The following TENT4A variants were observed in gnomAD, a reference collection of about 807,000 sequenced individuals.
The protein encoded by TENT4A is terminal nucleotidyltransferase 4A, also known as DNA polymerase kappa.
In TENT4A, 7 loss-of-function variants were observed where a neutral mutation model predicts 72.8. The ratio of observed to expected loss-of-function variants is 0.10; its 90% CI spans 0.05 to 0.18. The LOEUF (loss-of-function observed/expected upper bound fraction) is 0.18. Among genes scored for constraint, TENT4A ranks in the 10% least tolerant of loss-of-function variants. The pLI, the probability that TENT4A is intolerant of heterozygous loss-of-function variation, is 1.00. For synonymous variants in TENT4A, 456 were observed against 434.3 expected, an observed-to-expected ratio of 1.05 and a Z score of -0.62; for missense variants, 831 against 1,017.7, an observed-to-expected ratio of 0.82 and a Z score of 2.50.
chr5:6,755,102 G>A lies in TENT4A; in HGVS notation c.*157G>A, dbSNP rs768809578. ...GCATGTTTCTTCGTGTGGTGGTCGCGTCCATCTTCAAGAACAGCTCGTTGT... is the reference window on the plus strand; with the variant it reads ...GCATGTTTCTTCGTGTGGTGGTCGCATCCATCTTCAAGAACAGCTCGTTGT... On this transcript the variant is annotated 3_prime_UTR_variant, in exon 13 of 13. Coordinates refer to ENST00000230859, the MANE Select transcript of TENT4A (RefSeq NM_006999.6). 7.1e-6 allele frequency: 4 copies of A among 561,924 alleles called. No individual in the cohort carries two copies. The highest frequency in any genetic ancestry group is 3.8e-5 in the African/African-American group (2 of 53,050). The allele number at this position is 561,924 out of a possible 1,614,324, so 34.8% of individuals were successfully genotyped here.
At chr5:6,746,554 T>C (rs1350347992) in intron 7 of TENT4A, 127 bp downstream of exon 7, 7 of 712,286 alleles carry the variant, frequency 9.8e-6, no homozygotes, top group East Asian at 8.1e-5. Flanking sequence ...GTTTCTCTTA[T>C]ACTAACCAGT....
At chr5:6,725,832 A>G (rs1025014581) in intron 1 of TENT4A, among the ~76,000 whole-genome samples, 2 of 152,204 alleles carry the variant, frequency 1.3e-5, no homozygotes, top group Non-Finnish European at 2.9e-5. Context: ...TAAAAGTCTT[A>G]TCTTTACATA....
Position 6,738,742 on chromosome 5 carries a change from CT to C in TENT4A, c.887+14del. 1 of 1,598,624 alleles carries C rather than the reference CT, an allele frequency of 6.3e-7. No individual in the cohort carries two copies. Among genetic ancestry groups the C allele is most frequent in the East Asian group, 2.2e-5 (1 of 44,826 alleles). ...ATCTTCCAACTAGGTGAGTACCAGACTGCATGGCATGGGCTAGTGGGGGGCT... is the reference window on the plus strand; with the variant it reads ...ATCTTCCAACTAGGTGAGTACCAGACGCATGGCATGGGCTAGTGGGGGGCT... On this transcript the variant is annotated intron_variant, in intron 3 of 12. Transcript: ENST00000230859.
Position 6,754,841 on chromosome 5 carries a change from C to A in TENT4A, c.2275C>A (p.Pro759Thr), listed in dbSNP as rs1742604162. 4 of 1,609,370 alleles carry A rather than the reference C, an allele frequency of 2.5e-6. No homozygotes were observed. Among genetic ancestry groups the A allele is most frequent in the Middle Eastern group, 1.6e-4 (1 of 6,074 alleles). The change falls in exon 13 of 13, where the codon CCC becomes ACC. Residue 759 changes from proline (P) to threonine (T), a missense_variant. Coordinates refer to ENST00000230859, the MANE Select transcript of TENT4A (RefSeq NM_006999.6). The stretch of plus-strand genomic sequence containing the variant: ...CTCTGTGGGTAGCGGAGGTGTGCGG[C>A]CCCCTGTGGGCAACAGGGGACACCA... ...YSSVGSGGVR[P>T]PVGNRGHHQY...
intron 1 of TENT4A, among the ~76,000 whole-genome samples, chr5:6,734,051 A>G (rs563968968): frequency 4.6e-5 from 7 of 152,360 alleles, no homozygotes; most frequent in Admixed American, 3.9e-4. Flanking sequence ...CAAGGTCAGC[A>G]AAATATCTTA....
intron 6 of TENT4A, among the ~76,000 whole-genome samples, chr5:6,745,567 G>A (rs1742041811): frequency 6.6e-6 from 1 of 152,182 alleles, no homozygotes; most frequent in African/African-American, 2.4e-5. Context: ...GGGCAATGCA[G>A]GTCTGGACAG....
chr5:6,754,951 C>T lies in TENT4A; in HGVS notation c.*6C>T, dbSNP rs1299116562. On this transcript the variant is annotated 3_prime_UTR_variant, in exon 13 of 13. Coordinates refer to ENST00000230859, the MANE Select transcript of TENT4A (RefSeq NM_006999.6). ...CCGTGAGCCTCAGCAGATAATGGCT[C>T]CTGGCTGCGTCAGCCTCCCCCACCC... 2.1e-5 allele frequency: 33 copies of T among 1,568,694 alleles called. No individual in the cohort carries two copies. Among genetic ancestry groups the T allele is most frequent in the Non-Finnish European group, 2.5e-5 (29 of 1,148,170 alleles).
At chr5:6,730,383 T>TA (rs750729306) in intron 1 of TENT4A, among the ~76,000 whole-genome samples, 2 of 152,242 alleles carry the variant, frequency 1.3e-5, no homozygotes, top group Non-Finnish European at 2.9e-5. Context: ...GCAGAGCCCT[T>TA]ATGCCTTGGC....
chr5:6,731,144 G>A (rs371440268), intron 1 of TENT4A, among the ~76,000 whole-genome samples: 2 of 152,182 alleles, frequency 1.3e-5, no homozygotes, highest in South Asian at 2.1e-4. Flanking sequence ...GTTTTTTTGG[G>A]CAAAAATGCA....
intron 8 of TENT4A, among the ~76,000 whole-genome samples, 187 bp downstream of exon 8, chr5:6,748,777 T>A (rs961424195): frequency 1.3e-5 from 2 of 152,164 alleles, no homozygotes; most frequent in Non-Finnish European, 2.9e-5. Flanking sequence ...TCATCCATGG[T>A]TGAGAGTTGA....
At chr5:6,715,170 C>T (rs1011879399) in intron 1 of TENT4A, 18 of 152,224 alleles carry the variant, frequency 1.2e-4, no homozygotes, top group African/African-American at 4.1e-4. Context: ...TAACTGTCAA[C>T]TTAGAGGTGA....
chr5:6,713,982 G>T lies in TENT4A; in HGVS notation c.-2G>T. The T allele has an allele frequency of 1.0e-6, 1 of 978,258 alleles. No homozygotes were observed. Among genetic ancestry groups the T allele is most frequent in the South Asian group, 4.6e-5 (1 of 21,942 alleles). The allele number at this position is 978,258 out of a possible 1,614,324, so 60.6% of individuals were successfully genotyped here. The stretch of plus-strand genomic sequence containing the variant: ...CGCGGGCCCCGCGGGGGCGGCGCGT[G>T]GATGGATCCGCGCGTGGCCTGGATC... On this transcript the variant is annotated 5_prime_UTR_variant, in exon 1 of 13. Coordinates refer to ENST00000230859, the MANE Select transcript of TENT4A (RefSeq NM_006999.6).
intron 4 of TENT4A, 55 bp downstream of exon 4, chr5:6,739,907 G>A: frequency 6.3e-7 from 1 of 1,581,282 alleles, no homozygotes. Context: ...CACATCCCAG[G>A]TGGTCACAGG....
At chr5:6,730,996 G>C (rs1303150743) in intron 1 of TENT4A, among the ~76,000 whole-genome samples, 1 of 152,178 alleles carries the variant, frequency 6.6e-6, no homozygotes, top group East Asian at 1.9e-4. Context: ...CCTAGTTAAA[G>C]TTAAATATTA....
intron 1 of TENT4A, among the ~76,000 whole-genome samples, chr5:6,726,228 C>G (rs1490932818): frequency 6.6e-6 from 1 of 152,158 alleles, no homozygotes; most frequent in East Asian, 1.9e-4. Flanking sequence ...GGAGCTGCGT[C>G]CCTGTGTTGT....
chr5:6,716,804 G>T (rs1204460579), intron 1 of TENT4A, among the ~76,000 whole-genome samples: 1 of 152,234 alleles, frequency 6.6e-6, no homozygotes, highest in East Asian at 1.9e-4. Flanking sequence ...CCACCAGGAG[G>T]TCTGGTTTGA....
At chr5:6,739,626 C>T in intron 3 of TENT4A, 106 bp from the exon 4 acceptor site, 1 of 1,404,758 alleles carries the variant, frequency 7.1e-7, no homozygotes, top group East Asian at 2.4e-5. Flanking sequence ...GTGTCTTGGC[C>T]TTTGTGGGAG....
At chr5:6,737,942 GGT>G (rs1408589878) in intron 2 of TENT4A, among the ~76,000 whole-genome samples, 7 of 142,662 alleles carry the variant, frequency 4.9e-5, no homozygotes, top group Non-Finnish European at 9.1e-5. Flanking sequence ...GGGGGAGAAT[GGT>G]GTGATTGTTT....
intron 4 of TENT4A, 99 bp downstream of exon 4, chr5:6,739,951 A>C (rs1741712666): frequency 1.7e-6 from 2 of 1,173,940 alleles, no homozygotes; most frequent in East Asian, 4.8e-5. Flanking sequence ...GGTATTTTAC[A>C]CAGTTATTGG....
Sources: allele counts gnomAD v4.1 joint callset (sites outside exome capture counted in the v4.1 genomes callset), GRCh38; gene constraint gnomAD v4.1.1; transcripts MANE v1.5; gene names NCBI Gene and HGNC (gene_info 2026-07-23, HGNC 2026-07-21).